MKRN2OS: variants seen among roughly 807,000 people sequenced by gnomAD.
MKRN2OS encodes the protein MKRN2 opposite strand.
MKRN2OS carries 17 observed loss-of-function variants against 18.2 expected under a neutral mutation model. The observed-to-expected ratio is 0.93, with a 90% CI of 0.64 to 1.40. The LOEUF (loss-of-function observed/expected upper bound fraction) is 1.40. MKRN2OS is among the 40% of genes most tolerant of loss of function. The pLI is 0.00. For missense variants in MKRN2OS, 337 were observed against 283.0 expected, an observed-to-expected ratio of 1.19 and a Z score of -1.37; for synonymous variants, 121 against 108.5, an observed-to-expected ratio of 1.12 and a Z score of -0.72.
At chr3:12,557,265 G>C (rs1207293726) in intron 1 of MKRN2OS, 1 of 1,474,388 alleles carries the variant, frequency 6.8e-7, no homozygotes, top group Admixed American at 2.2e-5. Context: ...GGGAACCTGA[G>C]GCTAGAGCGG....
downstream of MKRN2OS, among the ~76,000 whole-genome samples, chr3:12,552,411 T>C (rs927830712): frequency 8.5e-5 from 11 of 129,892 alleles, no homozygotes; most frequent in African/African-American, 3.8e-4. Context: ...TTTTTAATTT[T>C]TAATTTTTTT....
At chr3:12,547,589 G>A (rs1418382255), upstream of MKRN2OS, among the ~76,000 whole-genome samples, 1 of 152,094 alleles carries the variant, frequency 6.6e-6, no homozygotes, top group African/African-American at 2.4e-5. Flanking sequence ...TTTGAAATTT[G>A]TGTTTTTGCC....
upstream of MKRN2OS, among the ~76,000 whole-genome samples, chr3:12,549,593 G>C (rs552102700): frequency 6.6e-6 from 1 of 152,114 alleles, no homozygotes; most frequent in African/African-American, 2.4e-5. Context: ...TGTCACCCAC[G>C]TTGGAGTGCA....
At chr3:12,542,405 A>G (rs1383617950) in intron 2 of MKRN2OS, among the ~76,000 whole-genome samples, 2 of 152,186 alleles carry the variant, frequency 1.3e-5, no homozygotes, top group Non-Finnish European at 2.9e-5. Context: ...ATAAATTTCC[A>G]CCTGCTAAAG....
upstream of MKRN2OS, among the ~76,000 whole-genome samples, chr3:12,549,280 G>T (rs1046888338): frequency 2.6e-5 from 4 of 151,210 alleles, no homozygotes; most frequent in African/African-American, 9.7e-5. Flanking sequence ...TTTATGAGAT[G>T]GAGTCTTGCT....
downstream of MKRN2OS, among the ~76,000 whole-genome samples, chr3:12,553,125 C>A (rs992005551): frequency 4.0e-5 from 6 of 150,880 alleles, no homozygotes; most frequent in African/African-American, 9.8e-5. Context: ...ACCCATATTA[C>A]ACAGACTTTT....
At chr3:12,560,102 C>T (rs952342495) in intron 1 of MKRN2OS, among the ~76,000 whole-genome samples, 10 of 152,138 alleles carry the variant, frequency 6.6e-5, no homozygotes, top group African/African-American at 2.4e-4. Flanking sequence ...ACCGGCAGGG[C>T]TGTTTAAAAA....
At chr3:12,552,161 T>C (rs2057934157), downstream of MKRN2OS, among the ~76,000 whole-genome samples, 1 of 151,060 alleles carries the variant, frequency 6.6e-6, no homozygotes, top group Non-Finnish European at 1.5e-5. Context: ...CTACTAAAAA[T>C]ACAAAAAATT....
intron 2 of MKRN2OS, among the ~76,000 whole-genome samples, chr3:12,542,721 A>C (rs1470302221): frequency 7.6e-6 from 1 of 130,756 alleles, no homozygotes; most frequent in African/African-American, 3.5e-5. Flanking sequence ...TAAAAAAAAA[A>C]AAAAAAAAAA....
At chr3:12,551,536 G>C (rs2057929802), downstream of MKRN2OS, among the ~76,000 whole-genome samples, 2 of 150,356 alleles carry the variant, frequency 1.3e-5, no homozygotes, top group African/African-American at 4.9e-5. Flanking sequence ...AAAAACTGTA[G>C]AATAATGGAA....
intron 1 of MKRN2OS, among the ~76,000 whole-genome samples, chr3:12,556,021 A>T (rs1006452092): frequency 3.3e-5 from 5 of 152,142 alleles, no homozygotes; most frequent in African/African-American, 1.2e-4. Flanking sequence ...GAGTGTATGC[A>T]TGTGCAAAAA....
chr3:12,559,452 T>A (rs887245916), intron 1 of MKRN2OS, among the ~76,000 whole-genome samples: 10 of 152,208 alleles, frequency 6.6e-5, no homozygotes, highest in African/African-American at 2.2e-4. Flanking sequence ...TTGTTTTTTT[T>A]AATCTCAGGT....
At chr3:12,548,900 T>G (rs1024398204), upstream of MKRN2OS, among the ~76,000 whole-genome samples, 19 of 152,138 alleles carry the variant, frequency 1.2e-4, no homozygotes, top group Non-Finnish European at 2.2e-4. Context: ...CTACATAAAT[T>G]GTAGTTTTTA....
intron 3 of MKRN2OS, among the ~76,000 whole-genome samples, chr3:12,541,559 G>A (rs998735986): frequency 2.0e-5 from 3 of 151,988 alleles, no homozygotes; most frequent in East Asian, 1.9e-4. Flanking sequence ...ATATAATATC[G>A]TGACTTGCTA....
chr3:12,540,179 C>G lies in MKRN2OS; in HGVS notation c.*14G>C, dbSNP rs1487252805. The G allele has an allele frequency of 6.5e-7, 1 of 1,535,974 alleles. No homozygotes were observed. The highest frequency in any genetic ancestry group is 8.7e-7 in the Non-Finnish European group (1 of 1,146,906). The stretch of plus-strand genomic sequence containing the variant: ...ACCCTACCCTCCAGCGTCCAGGCTG[C>G]GCTTACATAGCTCTCAGCACAAACC... On this transcript the variant is annotated 3_prime_UTR_variant, in exon 4 of 4. Transcript: ENST00000564146.
chr3:12,557,300 C>T, intron 1 of MKRN2OS: 2 of 1,288,368 alleles, frequency 1.6e-6, no homozygotes, highest in East Asian at 3.1e-5. Context: ...CTCGGCTGTT[C>T]GCGGCGGGGC....
intron 1 of MKRN2OS, chr3:12,556,904 CTT>C: frequency 2.5e-6 from 1 of 394,822 alleles, no homozygotes; most frequent in Middle Eastern, 6.7e-4. Flanking sequence ...GCCCCGGAGG[CTT>C]GGAAGTGCGG....
At chr3:12,557,548 G>A (rs1299356720) in intron 1 of MKRN2OS, among the ~76,000 whole-genome samples, 1 of 152,238 alleles carries the variant, frequency 6.6e-6, no homozygotes. Context: ...GACGCCGAGA[G>A]GACGGTTACA....
chr3:12,541,874 G>A lies in MKRN2OS; in HGVS notation c.417C>T (p.Ala139=). The part of the protein sequence containing the change: ...KYLEDFSTSG[A]WLPHRYEDNH... The stretch of plus-strand genomic sequence containing the variant: ...CAGTCGTGTACCTGTGAGGCAGCCA[G>A]GCCCCCGAGGTGGAGAAGTCTTCCA... The change falls in exon 3 of 4, where the codon GCC becomes GCT. Residue 139 remains alanine, a synonymous_variant. Coordinates refer to ENST00000564146, the MANE Select transcript of MKRN2OS (RefSeq NM_001195279.2). 3 of 1,535,716 alleles carry A rather than the reference G, an allele frequency of 2.0e-6. No individual in the cohort carries two copies. The highest frequency in any genetic ancestry group is 2.6e-6 in the Non-Finnish European group (3 of 1,146,816).
Sources: gnomAD v4.1 joint callset for allele counts (sites outside exome capture counted in the v4.1 genomes callset) on GRCh38, gnomAD v4.1.1 for gene constraint, MANE v1.5 for transcripts, NCBI Gene and HGNC (gene_info 2026-07-23, HGNC 2026-07-21) for gene names.